The following YES1 variants were observed in gnomAD, a reference collection of about 807,000 sequenced individuals.
YES1 encodes tyrosine-protein kinase Yes.
In YES1, 39 loss-of-function variants were observed where a neutral mutation model predicts 70.4. The observed-to-expected ratio is 0.55, with a 90% CI of 0.43 to 0.72. The LOEUF is 0.72. Ranked by LOEUF, YES1 falls within the 30% of genes least tolerant of loss-of-function variation. The pLI is 0.00. For missense variants in YES1, 495 were observed against 644.8 expected, an observed-to-expected ratio of 0.77 and a Z score of 2.52; for synonymous variants, 198 against 218.6, an observed-to-expected ratio of 0.91 and a Z score of 0.83.
intron 2 of YES1, 99 bp from the exon 3 acceptor site, chr18:751,903 A>C: frequency 1.3e-6 from 1 of 781,734 alleles, no homozygotes. Flanking sequence ...GCTTAAGGAT[A>C]GTTTTTTCTG....
At chr18:780,012 T>C (rs921224657) in intron 1 of YES1, among the ~76,000 whole-genome samples, 1 of 151,914 alleles carries the variant, frequency 6.6e-6, no homozygotes. Flanking sequence ...GGAGGGTAGA[T>C]TACCTGAGGT....
intron 1 of YES1, among the ~76,000 whole-genome samples, chr18:765,181 C>A (rs1353066292): frequency 7.0e-6 from 1 of 143,132 alleles, no homozygotes; most frequent in Non-Finnish European, 1.5e-5. Context: ...GTTGGGAATA[C>A]CTCCATAGAT....
At chr18:809,918 C>T (rs1907286520) in intron 1 of YES1, among the ~76,000 whole-genome samples, 1 of 152,092 alleles carries the variant, frequency 6.6e-6, no homozygotes, top group South Asian at 2.1e-4. Flanking sequence ...AGGTCCCTAT[C>T]ACAATCTCCT....
chr18:762,718 C>T (rs1294393993), intron 1 of YES1, among the ~76,000 whole-genome samples: 4 of 152,114 alleles, frequency 2.6e-5, no homozygotes, highest in African/African-American at 2.4e-5. Context: ...CATAATTCAT[C>T]CATTTAACCG....
chr18:738,853 C>G (rs990575451), intron 9 of YES1: 1 of 152,058 alleles, frequency 6.6e-6, no homozygotes, highest in Non-Finnish European at 1.5e-5. Flanking sequence ...GATGGAGTCT[C>G]GCTCTTGTTG....
At chr18:795,524 A>G (rs2145824437) in intron 1 of YES1, among the ~76,000 whole-genome samples, 2 of 152,284 alleles carry the variant, frequency 1.3e-5, no homozygotes, top group African/African-American at 4.8e-5. Flanking sequence ...TCAATGATAG[A>G]CTGGATAAAG....
At chr18:753,957 A>G (rs563868712) in intron 2 of YES1, among the ~76,000 whole-genome samples, 4 of 152,058 alleles carry the variant, frequency 2.6e-5, no homozygotes, top group African/African-American at 9.7e-5. Context: ...TATCAGTTTT[A>G]CCTCTAAAAT....
chr18:729,619 C>CTTTTT (rs869223956), intron 11 of YES1, among the ~76,000 whole-genome samples: 10 of 75,386 alleles, frequency 1.3e-4, no homozygotes, highest in South Asian at 5.9e-4. Context: ...TGATTTTGAA[C>CTTTTT]TTTTTTTTTT....
rs973922330 is a variant in YES1, at chr18:812,157, C to G, written c.-52G>C. The G allele has an allele frequency of 2.0e-5, 3 of 152,688 alleles. No individual in the cohort carries two copies. Among genetic ancestry groups the G allele is most frequent in the Non-Finnish European group, 4.4e-5 (3 of 67,996 alleles). 9.5% of individuals were successfully genotyped at this position (152,688 alleles called of 1,614,324 possible). On this transcript the variant is annotated 5_prime_UTR_variant, in exon 1 of 12. Transcript: ENST00000314574. ...CTCATGAGTCGCTGCTACCGCAGCTCGAGGTGGCGGAGGGCGGAGGCGAGG... is the reference window on the plus strand; with the variant it reads ...CTCATGAGTCGCTGCTACCGCAGCTGGAGGTGGCGGAGGGCGGAGGCGAGG...
At chr18:764,796 G>A (rs12969944) in intron 1 of YES1, among the ~76,000 whole-genome samples, 75,046 of 151,468 alleles carry the variant, frequency 0.5, 18,665 homozygotes, top group East Asian at 0.69. Flanking sequence ...GCAGTGGCGC[G>A]ATCTCGACTC....
chr18:784,918 G>C (rs1905858194), intron 1 of YES1, among the ~76,000 whole-genome samples: 1 of 152,160 alleles, frequency 6.6e-6, no homozygotes, highest in South Asian at 2.1e-4. Context: ...AGAATTCACA[G>C]AACATGGACA....
chr18:809,929 C>T (rs1907287103), intron 1 of YES1, among the ~76,000 whole-genome samples: 1 of 152,102 alleles, frequency 6.6e-6, no homozygotes, highest in Non-Finnish European at 1.5e-5. Flanking sequence ...ACAATCTCCT[C>T]CCTCTTCCCA....
At chr18:802,994 G>T (rs1213870623) in intron 1 of YES1, among the ~76,000 whole-genome samples, 1 of 151,764 alleles carries the variant, frequency 6.6e-6, no homozygotes, top group African/African-American at 2.4e-5. Context: ...TTGGGAGGCC[G>T]AGGCGGGAGG....
chr18:802,519 G>T (rs1018768901), intron 1 of YES1, among the ~76,000 whole-genome samples: 4 of 150,806 alleles, frequency 2.7e-5, no homozygotes, highest in Admixed American at 2.0e-4. Context: ...ACCCCAGCCT[G>T]GGCAACAAGA....
chr18:776,410 GATTTTA>G (rs1050458935), intron 1 of YES1, among the ~76,000 whole-genome samples: 4 of 151,956 alleles, frequency 2.6e-5, no homozygotes, highest in African/African-American at 7.3e-5. Flanking sequence ...CTCTCACTGT[GATTTTA>G]ATTTTATGTT....
In YES1 at chr18:812,011, G is replaced by A. The variant is rs1050832450; in HGVS notation, c.-9+103C>T. ...TCCCGACTCGGGCCCGCGGGGGCGG[G>A]GAACCGCGGCGGCGGCGGCGGCGGC... On this transcript the variant is annotated intron_variant, in intron 1 of 11. Transcript: ENST00000314574. The A allele has an allele frequency of 6.4e-4, 90 of 141,290 alleles. 2 individuals carry two copies. The highest frequency in any genetic ancestry group is 2.3e-4 in the Non-Finnish European group (18 of 77,382). 8.8% of individuals were successfully genotyped at this position (141,290 alleles called of 1,614,324 possible).
chr18:749,840 C>G (rs997371977), intron 3 of YES1, among the ~76,000 whole-genome samples: 14 of 136,432 alleles, frequency 1.0e-4, no homozygotes, highest in Middle Eastern at 4.2e-3. Context: ...AGCCTGGCGA[C>G]AGAGCAAGAC....
intron 1 of YES1, among the ~76,000 whole-genome samples, chr18:757,278 C>T (rs192209586): frequency 0.019 from 2,915 of 151,892 alleles, 26 homozygotes; most frequent in Non-Finnish European, 0.022. Context: ...CCAAGGCGGG[C>T]GGATCACGAG....
intron 11 of YES1, among the ~76,000 whole-genome samples, chr18:731,021 G>C (rs1289265637): frequency 6.6e-6 from 1 of 152,184 alleles, no homozygotes; most frequent in Non-Finnish European, 1.5e-5. Flanking sequence ...GTTTCATGAA[G>C]GGGGTGAGAA....
Sources: gnomAD v4.1 joint callset for allele counts (sites outside exome capture counted in the v4.1 genomes callset) on GRCh38, gnomAD v4.1.1 for gene constraint, MANE v1.5 for transcripts, NCBI Gene and HGNC (gene_info 2026-07-23, HGNC 2026-07-21) for gene names.